Variants in BACH2 observed in about 807,000 individuals in gnomAD.
BACH2 encodes transcription regulator protein BACH2.
BACH2 carries 5 observed loss-of-function variants against 61.8 expected under a neutral mutation model. The observed-to-expected ratio is 0.08, with a 90% CI of 0.04 to 0.17. The LOEUF (loss-of-function observed/expected upper bound fraction) is 0.17, where lower values mean the gene tolerates loss of function less well. Among genes scored for constraint, BACH2 ranks in the 10% least tolerant of loss-of-function variants. BACH2 has a pLI of 1.00. For missense variants in BACH2, 824 were observed against 1,091.1 expected, an observed-to-expected ratio of 0.76 and a Z score of 3.45; for synonymous variants, 446 against 440.1, an observed-to-expected ratio of 1.01 and a Z score of -0.17.
At chr6:90,268,987 T>C (rs1035773139) in intron 2 of BACH2, among the ~76,000 whole-genome samples, 2 of 152,184 alleles carry the variant, frequency 1.3e-5, no homozygotes, top group Non-Finnish European at 2.9e-5. Flanking sequence ...AAGTGAAGAC[T>C]AAGAGACCTG....
intron 4 of BACH2, among the ~76,000 whole-genome samples, chr6:90,093,566 CT>C (rs1782261432): frequency 6.6e-6 from 1 of 152,196 alleles, no homozygotes; most frequent in African/African-American, 2.4e-5. Context: ...TTTAAATCAA[CT>C]GAAATTTAAA....
At chr6:90,142,790 T>C (rs1247350128) in intron 4 of BACH2, among the ~76,000 whole-genome samples, 3 of 152,232 alleles carry the variant, frequency 2.0e-5, no homozygotes, top group Non-Finnish European at 4.4e-5. Context: ...TCTGTTTGCT[T>C]CTATTTTCTA....
At chr6:90,249,880 G>C (rs1770750720) in intron 3 of BACH2, among the ~76,000 whole-genome samples, 1 of 152,150 alleles carries the variant, frequency 6.6e-6, no homozygotes, top group African/African-American at 2.4e-5. Flanking sequence ...CATCAGAATA[G>C]ATAACCCAAA....
At chr6:90,175,803 T>C (rs1011802471) in intron 4 of BACH2, among the ~76,000 whole-genome samples, 5 of 152,160 alleles carry the variant, frequency 3.3e-5, no homozygotes, top group African/African-American at 1.2e-4. Context: ...GCTGGTAGCA[T>C]GCCTTTGACA....
intron 5 of BACH2, among the ~76,000 whole-genome samples, chr6:90,016,253 T>C (rs1245355886): frequency 6.6e-6 from 1 of 152,238 alleles, no homozygotes; most frequent in African/African-American, 2.4e-5. Flanking sequence ...GTTTAAAACA[T>C]GTATGTTTAA....
At chr6:90,005,064 G>A (rs1777334770) in intron 6 of BACH2, among the ~76,000 whole-genome samples, 2 of 152,122 alleles carry the variant, frequency 1.3e-5, no homozygotes, top group African/African-American at 4.8e-5. Context: ...TCAGTTTAGA[G>A]ACTATGCTGG....
chr6:89,932,265 G>C lies in BACH2; in HGVS notation c.*143C>G. ...CTCGAGAAGAGGAGAGGATACTTCG[G>C]AACAGTATTGCTGCTAAGACCGCTG... On this transcript the variant is annotated 3_prime_UTR_variant, in exon 9 of 9. Coordinates refer to ENST00000257749, the MANE Select transcript of BACH2 (RefSeq NM_021813.4). 1 of 1,092,430 alleles carries C rather than the reference G, an allele frequency of 9.2e-7. No homozygotes were observed. Among genetic ancestry groups the C allele is most frequent in the South Asian group, 1.5e-5 (1 of 65,728 alleles). The allele number at this position is 1,092,430 out of a possible 1,614,324, so 67.7% of individuals were successfully genotyped here. A position where few individuals can be genotyped will look rare whatever the true frequency, so the allele number is the denominator to read the frequency against.
At chr6:90,278,087 A>C (rs781668328) in intron 1 of BACH2, among the ~76,000 whole-genome samples, 9 of 152,234 alleles carry the variant, frequency 5.9e-5, no homozygotes, top group Non-Finnish European at 8.8e-5. Flanking sequence ...CTACTTTGAG[A>C]CACTTGGTAA....
chr6:90,087,580 C>G (rs1781988926), intron 5 of BACH2, among the ~76,000 whole-genome samples: 1 of 152,188 alleles, frequency 6.6e-6, no homozygotes, highest in Admixed American at 6.6e-5. Context: ...TTGTCCTCAG[C>G]AGTTAGGCAA....
At chr6:90,003,203 C>T (rs1300616899) in intron 6 of BACH2, among the ~76,000 whole-genome samples, 3 of 152,196 alleles carry the variant, frequency 2.0e-5, no homozygotes, top group Non-Finnish European at 2.9e-5. Flanking sequence ...GGTGCACAGT[C>T]TGGACCATCA....
At chr6:90,183,093 C>T (rs1209405841) in intron 4 of BACH2, among the ~76,000 whole-genome samples, 1 of 152,170 alleles carries the variant, frequency 6.6e-6, no homozygotes, top group Admixed American at 6.5e-5. Context: ...GAAATCATAG[C>T]TGGAATGTGA....
chr6:90,197,544 T>C (rs1216271863), intron 4 of BACH2, among the ~76,000 whole-genome samples: 1 of 152,142 alleles, frequency 6.6e-6, no homozygotes, highest in Non-Finnish European at 1.5e-5. Context: ...ACAGAAGCAT[T>C]CCTCTGCCTG....
chr6:90,215,875 T>C (rs1769518194), intron 3 of BACH2, among the ~76,000 whole-genome samples: 1 of 152,180 alleles, frequency 6.6e-6, no homozygotes, highest in Non-Finnish European at 1.5e-5. Flanking sequence ...TCCAGGCAGT[T>C]ACCCCAAGGA....
At chr6:90,100,706 C>CACACATACACACACACACAG (rs1463218195) in intron 4 of BACH2, among the ~76,000 whole-genome samples, 43,453 of 142,982 alleles carry the variant, frequency 0.3, 7,183 homozygotes, top group African/African-American at 0.45. Context: ...CACACAGACA[C>CACACATACACACACACACAG]ACACACACAC....
chr6:89,973,055 A>G (rs1775456743), intron 6 of BACH2, among the ~76,000 whole-genome samples: 1 of 152,164 alleles, frequency 6.6e-6, no homozygotes, highest in Non-Finnish European at 1.5e-5. Context: ...GTGCCACTGC[A>G]CTCCAGCCTG....
chr6:90,120,863 C>T (rs1262785774), intron 4 of BACH2, among the ~76,000 whole-genome samples: 2 of 152,082 alleles, frequency 1.3e-5, no homozygotes, highest in East Asian at 3.9e-4. Flanking sequence ...GCTATACTTG[C>T]TTTGTAATTA....
At chr6:90,131,230 T>C (rs922079657) in intron 4 of BACH2, among the ~76,000 whole-genome samples, 3 of 152,310 alleles carry the variant, frequency 2.0e-5, no homozygotes, top group Non-Finnish European at 2.9e-5. Flanking sequence ...ATGAGAAACA[T>C]GAACTTTCAA....
intron 1 of BACH2, among the ~76,000 whole-genome samples, chr6:90,289,283 G>C (rs1310676371): frequency 1.3e-5 from 2 of 152,164 alleles, no homozygotes; most frequent in South Asian, 2.1e-4. Context: ...CAGACAGCTA[G>C]TGTCCAACTC....
chr6:89,953,697 A>C (rs770104844), intron 6 of BACH2, among the ~76,000 whole-genome samples: 1 of 152,184 alleles, frequency 6.6e-6, no homozygotes, highest in Non-Finnish European at 1.5e-5. Flanking sequence ...TATGTTACCA[A>C]ATATGTCATG....
Sources: allele counts gnomAD v4.1 joint callset (sites outside exome capture counted in the v4.1 genomes callset), GRCh38; gene constraint gnomAD v4.1.1; transcripts MANE v1.5; gene names NCBI Gene and HGNC (gene_info 2026-07-23, HGNC 2026-07-21).